The following SLC25A30 variants were observed in gnomAD, a reference collection of about 807,000 sequenced individuals.
The protein encoded by SLC25A30 is kidney mitochondrial carrier protein 1.
SLC25A30 carries 29 observed loss-of-function variants against 42.7 expected under a neutral mutation model. The ratio of observed to expected loss-of-function variants is 0.68; its 90% CI spans 0.51 to 0.93. The LOEUF is 0.93. Ranked by LOEUF, SLC25A30 falls within the 40% of genes least tolerant of loss-of-function variation. SLC25A30 has a pLI of 0.00. For missense variants in SLC25A30, 300 were observed against 359.7 expected (o/e 0.83, Z 1.34); for synonymous variants, 124 against 131.0 (o/e 0.95, Z 0.37).
intron 7 of SLC25A30, 39 bp from the exon 8 acceptor site, chr13:45,399,117 C>A: frequency 1.9e-6 from 3 of 1,545,462 alleles, no homozygotes; most frequent in Non-Finnish European, 2.6e-6. Flanking sequence ...AAAAGTTAAC[C>A]ATCACTGAGC....
At chr13:45,424,264 T>TATATAA in the SLC25A30 span, among the ~76,000 whole-genome samples, 11 of 86 alleles carry the variant, frequency 0.13, 5 homozygotes, top group Middle Eastern at 1. Context: ...TATGTAAATA[T>TATATAA]ATATAAATAT....
chr13:45,424,821 T>C, the SLC25A30 span, among the ~76,000 whole-genome samples: 1 of 57,206 alleles, frequency 1.7e-5, no homozygotes, highest in Non-Finnish European at 3.1e-5. Flanking sequence ...AATATAAATA[T>C]ATAAAAATAT....
rs1881107027 is a variant in SLC25A30 at position 45,393,602 on chromosome 13, T to G, written c.*2372A>C. 1 of 985,332 alleles carries G rather than the reference T, an allele frequency of 1.0e-6. No homozygotes were observed. Among genetic ancestry groups the G allele is most frequent in the Admixed American group, 6.2e-5 (1 of 16,258 alleles). 61.0% of individuals were successfully genotyped at this position (985,332 alleles called of 1,614,324 possible). On this transcript the variant is annotated 3_prime_UTR_variant, in exon 10 of 10. Coordinates refer to ENST00000519676, the MANE Select transcript of SLC25A30 (RefSeq NM_001010875.4). ...AAACTAGAATTCCTTTTGGCATATT[T>G]AAGAAAACCCAAAGGTGGGGAGGTA...
rs1488457579 is a variant in SLC25A30 at position 45,394,989 on chromosome 13, A to C, written c.*985T>G. On this transcript the variant is annotated 3_prime_UTR_variant, in exon 10 of 10. Coordinates refer to ENST00000519676, the MANE Select transcript of SLC25A30 (RefSeq NM_001010875.4). ...TATACAGTGTTCTTTCTTCAACAAG[A>C]CCTTAACAAAGGGCTTCATTCACAA... 1 of 985,310 alleles carries C rather than the reference A, an allele frequency of 1.0e-6. No individual in the cohort carries two copies. The highest frequency in any genetic ancestry group is 1.2e-6 in the Non-Finnish European group (1 of 829,956). 61.0% of individuals were successfully genotyped at this position (985,310 alleles called of 1,614,324 possible).
Position 45,401,149 on chromosome 13 carries a change from T to C in SLC25A30, c.548A>G (p.Tyr183Cys), listed in dbSNP as rs763681264. Residue 183 changes from tyrosine to cysteine, a missense_variant, in exon 7 of 10, where the codon TAT becomes TGT. By Grantham distance (194) the Tyr-to-Cys change is radical. Coordinates refer to ENST00000519676, the MANE Select transcript of SLC25A30 (RefSeq NM_001010875.4). ...AIVVGVELPVYDITKKHLILS... is the reference protein window; with the variant it reads ...AIVVGVELPVCDITKKHLILS... The stretch of plus-strand genomic sequence containing the variant: ...AATAAGATGCTTCTTGGTGATGTCA[T>C]AGACCGGCAGCTCCACACCAACAAC... 45 of 1,613,994 alleles carry C rather than the reference T, an allele frequency of 2.8e-5. No homozygotes were observed. Among genetic ancestry groups the C allele is most frequent in the Admixed American group, 1.2e-4 (7 of 60,002 alleles).
intron 9 of SLC25A30, chr13:45,396,998 G>C (rs1438580875): frequency 1.3e-5 from 5 of 386,766 alleles, no homozygotes. Context: ...AATACCCTCA[G>C]CTTCTAGAAC....
upstream of SLC25A30, among the ~76,000 whole-genome samples, chr13:45,418,939 TCAAAAAAAAAAAAAAAAAAAAAAAAAAA>T (rs1883769626): frequency 7.3e-5 from 2 of 27,296 alleles, no homozygotes; most frequent in African/African-American, 2.2e-4. Flanking sequence ...AGACTTCGTC[TCAAAAAAAAAAAAAAAAAAAAAAAAAAA>T]AAAAAAAAAA....
Position 45,399,026 on chromosome 13 carries a change from C to T in SLC25A30, c.667G>A (p.Val223Ile), listed in dbSNP as rs770782016. 16 of 1,613,544 alleles carry T rather than the reference C, an allele frequency of 9.9e-6. No homozygotes were observed. Among genetic ancestry groups the T allele is most frequent in the Admixed American group, 6.7e-5 (4 of 59,956 alleles). Residue 223 changes from valine to isoleucine, a missense_variant, in exon 8 of 10, where the codon GTT becomes ATT. By Grantham distance (29) the Val-to-Ile change is conservative. Transcript: ENST00000519676. The part of the protein sequence containing the change: ...AGALASNPVD[V>I]VRTRMMNQRV... ...TGATTCATCATACGTGTCCTCACAA[C>T]ATCAACAGGGTTTGAGGCCAGGGCC...
chr13:45,424,564 TGTATAA>T, the SLC25A30 span, among the ~76,000 whole-genome samples: 1 of 25,356 alleles, frequency 3.9e-5, no homozygotes, highest in Non-Finnish European at 8.0e-5. Flanking sequence ...TATATATAAA[TGTATAA>T]ATATATAAAT....
chr13:45,424,965 AAT>A, the SLC25A30 span, among the ~76,000 whole-genome samples: 3 of 33,730 alleles, frequency 8.9e-5, no homozygotes, highest in Admixed American at 9.8e-4. Context: ...TAAATATATA[AAT>A]ATATATAAGT....
chr13:45,425,572 A>AT, the SLC25A30 span, among the ~76,000 whole-genome samples: 1 of 94,926 alleles, frequency 1.1e-5, no homozygotes, highest in African/African-American at 4.3e-5. Context: ...AAATATATAT[A>AT]AGTATATATA....
At chr13:45,398,873 T>G (rs1881632841) in intron 8 of SLC25A30, 67 bp downstream of exon 8, 1 of 1,543,198 alleles carries the variant, frequency 6.5e-7, no homozygotes, top group Non-Finnish European at 8.8e-7. Context: ...CTTTCATAAT[T>G]TAGTTACTTC....
chr13:45,424,825 A>AAATATATATAAAAATATAT, the SLC25A30 span, among the ~76,000 whole-genome samples: 1 of 45,368 alleles, frequency 2.2e-5, no homozygotes, highest in African/African-American at 1.0e-4. Flanking sequence ...TAAATATATA[A>AAATATATATAAAAATATAT]AAATATATAT....
chr13:45,424,198 T>C, the SLC25A30 span, among the ~76,000 whole-genome samples: 1 of 62,310 alleles, frequency 1.6e-5, no homozygotes, highest in African/African-American at 7.2e-5. Flanking sequence ...TGAATATAAA[T>C]ATACATATAT....
At chr13:45,396,380 T>C (rs1461106497) in intron 9 of SLC25A30, 4 of 1,086,368 alleles carry the variant, frequency 3.7e-6, no homozygotes, top group Non-Finnish European at 4.5e-6. Flanking sequence ...CTCAAAGGCT[T>C]CCACTATGCA....
the SLC25A30 span, among the ~76,000 whole-genome samples, chr13:45,428,517 CTTTTTTT>C: frequency 0.035 from 3,218 of 92,596 alleles, 168 homozygotes; most frequent in African/African-American, 0.13. Flanking sequence ...TTCTTTTTAA[CTTTTTTT>C]TTTTTTTTTT....
chr13:45,423,624 A>ATT, the SLC25A30 span, among the ~76,000 whole-genome samples: 262 of 75,334 alleles, frequency 3.5e-3, 20 homozygotes, highest in African/African-American at 7.3e-3. Context: ...TAAAATATAT[A>ATT]TATATAAATA....
chr13:45,428,517 C>CTTTCT, the SLC25A30 span, among the ~76,000 whole-genome samples: 2 of 92,552 alleles, frequency 2.2e-5, no homozygotes, highest in African/African-American at 4.3e-5. Flanking sequence ...TTCTTTTTAA[C>CTTTCT]TTTTTTTTTT....
upstream of SLC25A30, among the ~76,000 whole-genome samples, chr13:45,423,013 A>G (rs141587558): frequency 1.4e-3 from 207 of 152,248 alleles, no homozygotes; most frequent in African/African-American, 4.8e-3. Flanking sequence ...CGCACTTCAA[A>G]AGAATGAGCA....
Sources: allele counts gnomAD v4.1 joint callset (sites outside exome capture counted in the v4.1 genomes callset), GRCh38; gene constraint gnomAD v4.1.1; transcripts MANE v1.5; gene names NCBI Gene and HGNC (gene_info 2026-07-23, HGNC 2026-07-21).